The following PNPLA7 variants were observed in gnomAD, a reference collection of about 807,000 sequenced individuals.
PNPLA7 encodes patatin like domain 7, lysophospholipase.
Under a neutral mutation model 161.7 loss-of-function variants are expected in PNPLA7, and 153 were observed. The ratio of observed to expected loss-of-function variants is 0.95; its 90% CI spans 0.83 to 1.08. PNPLA7 has a LOEUF of 1.08. Among genes scored for constraint, PNPLA7 ranks in the 50% least tolerant of loss-of-function variants. The probability of loss-of-function intolerance (pLI) is 0.00; values close to 1 mark genes in which losing one functional copy is unlikely to be tolerated. For missense variants in PNPLA7, 1,739 were observed against 1,856.6 expected (o/e 0.94, Z 1.16); for synonymous variants, 809 against 782.1 (o/e 1.03, Z -0.57).
At chr9:137,463,694 C>T (rs914762732) in intron 28 of PNPLA7, among the ~76,000 whole-genome samples, 163 bp from the exon 29 acceptor site, 1 of 152,148 alleles carries the variant, frequency 6.6e-6, no homozygotes, top group South Asian at 2.1e-4. Flanking sequence ...AAATTGAGTT[C>T]TTTCTCTGGG....
In PNPLA7 at chr9:137,540,646, A is replaced by G. The variant is rs992735064; in HGVS notation, c.743T>C (p.Ile248Thr). Reference sequence around the variant, plus strand: ...GCCAGGCAGCGGGGGACTCACGGTGATGATGTCCAGGATGCTGAGCAGGCT... The same window carrying G: ...GCCAGGCAGCGGGGGACTCACGGTGGTGATGTCCAGGATGCTGAGCAGGCT... The part of the protein sequence containing the change: ...VHSLLSILDI[I>T]TGHAAPYKTV... Residue 248 changes from isoleucine (I) to threonine (T), a missense_variant, in exon 8 of 35, where the codon ATC (isoleucine) becomes ACC (threonine). Physicochemically the swap from Ile to Thr is moderately conservative, Grantham distance 89. Transcript: ENST00000406427. This position sits in a 1 kb window ranked among gnomAD's most constrained non-coding sequence, Gnocchi z 5.1. 2 of 1,611,028 alleles carry G rather than the reference A, an allele frequency of 1.2e-6. No individual in the cohort carries two copies. Among genetic ancestry groups the G allele is most frequent in the Non-Finnish European group, 1.7e-6 (2 of 1,179,052 alleles).
rs756658720 is a variant in PNPLA7, at chr9:137,500,792, C to A, written c.1656G>T (p.Met552Ile). The change falls in exon 16 of 35, where the codon ATG becomes ATT. Residue 552 changes from methionine to isoleucine, a missense_variant. Met to Ile is a conservative substitution (Grantham distance 10). Transcript: ENST00000406427. This position sits in a 1 kb window ranked among gnomAD's most constrained non-coding sequence, Gnocchi z 5.5. ...CGGTGAGCACGGCCAGCTGGCCCAC[C>A]ATCTCCCCGGGGCGCGTGAGGAACA... ...TCLFLTRPGE[M>I]VGQLAVLTGE... is the part of the protein sequence containing the mutation. 1 of 1,611,284 alleles carries A rather than the reference C, an allele frequency of 6.2e-7. No individual in the cohort carries two copies. The highest frequency in any genetic ancestry group is 1.3e-5 in the African/African-American group (1 of 74,914).
At chr9:137,525,566 T>C (rs1835258647) in intron 8 of PNPLA7, among the ~76,000 whole-genome samples, 3 of 152,084 alleles carry the variant, frequency 2.0e-5, no homozygotes, top group Admixed American at 2.0e-4. Context: ...CTTATGTCAT[T>C]ATTTCTTCTA....
At chr9:137,545,896 A>G (rs547250761) in intron 4 of PNPLA7, among the ~76,000 whole-genome samples, 43 of 152,244 alleles carry the variant, frequency 2.8e-4, no homozygotes, top group South Asian at 8.3e-4. Context: ...AGTGTCAAGG[A>G]AAAACACCTG....
rs1834947391 is a variant in PNPLA7 at position 137,520,846 on chromosome 9, C to T, written c.957+790G>A. Reference sequence around the variant, plus strand: ...TCACAGTTCAGGGTCAGCTCCGCCCCACCCGGTTCAGATAGGAGGAGCTGT... The same window carrying T: ...TCACAGTTCAGGGTCAGCTCCGCCCTACCCGGTTCAGATAGGAGGAGCTGT... On this transcript the variant is annotated intron_variant, in intron 10 of 34. Transcript: ENST00000406427. This position sits in a 1 kb window ranked among gnomAD's most constrained non-coding sequence, Gnocchi z 5.2. Among the ~76,000 whole-genome samples the T allele has an allele frequency of 6.6e-6, 1 of 152,254 alleles. No homozygotes were observed.
chr9:137,540,598 G>C lies in PNPLA7; in HGVS notation c.747+44C>G. ...AAGACAGAAAAACCAGGCCTCCGGG[G>C]CCAACCCAGGGGCGCCCGGAGGGCC... On this transcript the variant is annotated intron_variant, in intron 8 of 34. Transcript: ENST00000406427. This position sits in a 1 kb window ranked among gnomAD's most constrained non-coding sequence, Gnocchi z 5.1. 1.9e-6 allele frequency: 3 copies of C among 1,550,094 alleles called. No individual in the cohort carries two copies. The highest frequency in any genetic ancestry group is 1.8e-6 in the Non-Finnish European group (2 of 1,139,492).
At position 137,467,284 on chromosome 9, in the gene PNPLA7, G is replaced by A. The variant is rs1208137752; in HGVS notation, c.3039+33C>T. The A allele has an allele frequency of 2.5e-6, 4 of 1,589,272 alleles. No individual in the cohort carries two copies. In the South Asian group the frequency reaches 3.4e-5, roughly 14 times the overall value. ...CAGCACCAGCAAGGACCTGGGGGCT[G>A]TGCTCCGGTGAGGGTGATGGGTGCC... On this transcript the variant is annotated intron_variant, in intron 26 of 34. Coordinates refer to ENST00000406427, the MANE Select transcript of PNPLA7 (RefSeq NM_001098537.3). This position sits in a 1 kb window ranked among gnomAD's most constrained non-coding sequence, Gnocchi z 5.1.
At chr9:137,462,370 C>T (rs1831255439) in intron 30 of PNPLA7, 39 bp from the exon 31 acceptor site, 2 of 1,562,328 alleles carry the variant, frequency 1.3e-6, no homozygotes, top group South Asian at 2.4e-5. Flanking sequence ...CTGCCCCGGC[C>T]CCTACCCCGT....
chr9:137,509,752 A>C, intron 12 of PNPLA7: 1 of 455,910 alleles, frequency 2.2e-6, no homozygotes, highest in Non-Finnish European at 4.4e-6. Flanking sequence ...GCTGAGGAGT[A>C]GACGCTGGTG....
chr9:137,489,932 G>A (rs1832686137), intron 20 of PNPLA7, among the ~76,000 whole-genome samples: 2 of 152,226 alleles, frequency 1.3e-5, no homozygotes, highest in African/African-American at 4.8e-5. Flanking sequence ...ACGAGTGGAA[G>A]AATCGTTTGA....
intron 13 of PNPLA7, 95 bp downstream of exon 13, chr9:137,505,888 C>T: frequency 6.5e-7 from 1 of 1,528,532 alleles, no homozygotes; most frequent in Non-Finnish European, 9.0e-7. Context: ...GCAGGTGCCA[C>T]ATGACACCAA....
At chr9:137,526,964 A>G (rs1835332142) in intron 8 of PNPLA7, among the ~76,000 whole-genome samples, 1 of 152,046 alleles carries the variant, frequency 6.6e-6, no homozygotes, top group Non-Finnish European at 1.5e-5. Flanking sequence ...GATGCTGAAC[A>G]GGAGTGGTAA....
chr9:137,501,780 C>A, intron 14 of PNPLA7, 53 bp from the exon 15 acceptor site: 1 of 1,566,644 alleles, frequency 6.4e-7, no homozygotes, highest in Admixed American at 1.8e-5. Flanking sequence ...AAATGAAGGT[C>A]CAGAGAACAG....
intron 20 of PNPLA7, among the ~76,000 whole-genome samples, 178 bp from the exon 21 acceptor site, chr9:137,484,914 C>T (rs561197162): frequency 3.3e-5 from 5 of 151,760 alleles, no homozygotes; most frequent in African/African-American, 9.7e-5. Context: ...AGTCCTGAGG[C>T]TGCCTGGACC....
intron 27 of PNPLA7, 65 bp downstream of exon 27, chr9:137,464,275 G>A (rs1195584522): frequency 6.2e-7 from 1 of 1,606,742 alleles, no homozygotes; most frequent in Non-Finnish European, 8.5e-7. Context: ...CCAGGGCCAA[G>A]AGGTGGGGGG....
In PNPLA7 at chr9:137,498,087, C is replaced by T. The variant is rs201498173; in HGVS notation, c.1889+27G>A. On this transcript the variant is annotated intron_variant, in intron 17 of 34. Transcript: ENST00000406427. Reference sequence around the variant, plus strand: ...CCTGCATGCCAGGGCAGCATGGATGCGGAGTGTGTGGCACCCACGGCCTCA... The same window carrying T: ...CCTGCATGCCAGGGCAGCATGGATGTGGAGTGTGTGGCACCCACGGCCTCA... 697 of 1,605,268 alleles carry T rather than the reference C, an allele frequency of 4.3e-4. 5 individuals are homozygous for T. In the African/African-American group the frequency reaches 7.3e-3, roughly 17 times the overall value.
chr9:137,518,203 C>CCCTA (rs1834740811), intron 11 of PNPLA7, among the ~76,000 whole-genome samples: 1 of 137,152 alleles, frequency 7.3e-6, no homozygotes, highest in Non-Finnish European at 1.6e-5. Context: ...ACTCACTCCA[C>CCCTA]TCTGCTCACT....
Position 137,463,400 on chromosome 9 carries a change from C to G in PNPLA7, c.3343+15G>C. ...GCCTGTGCTCCTGCCGGGCGTGGTC[C>G]CCCCACCGCAGTACCTGGGAGGTTG... On this transcript the variant is annotated intron_variant, in intron 29 of 34. Transcript: ENST00000406427. The G allele has an allele frequency of 6.3e-7, 1 of 1,591,096 alleles. No individual in the cohort carries two copies. The highest frequency in any genetic ancestry group is 8.6e-7 in the Non-Finnish European group (1 of 1,166,572).
intron 12 of PNPLA7, among the ~76,000 whole-genome samples, chr9:137,514,580 C>A (rs929467570): frequency 6.8e-6 from 1 of 146,206 alleles, no homozygotes; most frequent in Non-Finnish European, 1.5e-5. Flanking sequence ...TGTGGCCGGG[C>A]TGTGGGCGGG....
Sources: allele counts gnomAD v4.1 joint callset (sites outside exome capture counted in the v4.1 genomes callset), GRCh38; gene constraint gnomAD v4.1.1; non-coding constraint Gnocchi (gnomAD v3.1); transcripts MANE v1.5; gene names NCBI Gene and HGNC (gene_info 2026-07-23, HGNC 2026-07-21).